The following RP1 variants were observed in gnomAD, a reference collection of about 807,000 sequenced individuals.
RP1 encodes the protein oxygen-regulated protein 1.
A neutral mutation model predicts 14.8 loss-of-function variants in RP1; 16 were observed. The ratio of observed to expected loss-of-function variants is 1.08; its 90% CI spans 0.73 to 1.65. The LOEUF is 1.65. Ranked by LOEUF, RP1 falls within the 40% of genes most tolerant of loss-of-function variation. The pLI is 0.00. For synonymous variants in RP1, 876 were observed against 883.6 expected (o/e 0.99, Z 0.15); for missense variants, 2,631 against 2,535.0 (o/e 1.04, Z -0.81).
chr8:54,734,916 C>T (rs962536901), intron 18 of RP1, among the ~76,000 whole-genome samples: 1 of 151,970 alleles, frequency 6.6e-6, no homozygotes, highest in African/African-American at 2.4e-5. Flanking sequence ...AATATTTTTG[C>T]TCACATATCT....
intron 26 of RP1, among the ~76,000 whole-genome samples, chr8:54,853,085 A>T (rs1469656642): frequency 6.6e-6 from 1 of 152,204 alleles, no homozygotes; most frequent in African/African-American, 2.4e-5. Context: ...CCTGGAGAGA[A>T]ATAAAGTGCA....
intron 1 of RP1, among the ~76,000 whole-genome samples, chr8:54,588,242 G>A (rs981870012): frequency 3.3e-5 from 5 of 152,160 alleles, no homozygotes; most frequent in Non-Finnish European, 7.4e-5. Context: ...ATGTTTCCAC[G>A]GTGGGCAATG....
chr8:54,782,224 G>A (rs1810206587), intron 23 of RP1, among the ~76,000 whole-genome samples: 1 of 152,142 alleles, frequency 6.6e-6, no homozygotes, highest in South Asian at 2.1e-4. Context: ...CTGCGGGGTA[G>A]AAGTAGCAGT....
chr8:54,593,765 T>C (rs73603031), intron 1 of RP1, among the ~76,000 whole-genome samples: 1 of 152,202 alleles, frequency 6.6e-6, no homozygotes, highest in South Asian at 2.1e-4. Context: ...GCCTCACCAG[T>C]GGAACTCATA....
chr8:54,779,587 G>GA (rs1810132124), intron 23 of RP1, among the ~76,000 whole-genome samples: 1 of 152,170 alleles, frequency 6.6e-6, no homozygotes, highest in African/African-American at 2.4e-5. Flanking sequence ...ATAAGGTAAA[G>GA]AAAAAAATGT....
At chr8:54,654,955 G>T (rs1459538677) in intron 5 of RP1, among the ~76,000 whole-genome samples, 1 of 152,116 alleles carries the variant, frequency 6.6e-6, no homozygotes, top group African/African-American at 2.4e-5. Context: ...GTGAAAATCT[G>T]CCTTTTTAAC....
chr8:54,825,179 T>C (rs1242102134), intron 24 of RP1, among the ~76,000 whole-genome samples: 2 of 152,108 alleles, frequency 1.3e-5, no homozygotes, highest in Admixed American at 1.3e-4. Context: ...CAGGGTGGTC[T>C]TGATCTCCCG....
At chr8:54,646,635 A>G (rs1806556337) in intron 3 of RP1, among the ~76,000 whole-genome samples, 1 of 152,196 alleles carries the variant, frequency 6.6e-6, no homozygotes, top group Non-Finnish European at 1.5e-5. Context: ...ACTCTGTTGC[A>G]GGGTTAAGGT....
chr8:54,646,286 C>T (rs928763854), intron 3 of RP1, among the ~76,000 whole-genome samples: 5 of 151,732 alleles, frequency 3.3e-5, no homozygotes, highest in African/African-American at 4.8e-5. Context: ...TCCCTACTCT[C>T]TCCTTCTCCT....
chr8:54,739,053 C>G, intron 19 of RP1: 1 of 1,484,426 alleles, frequency 6.7e-7, no homozygotes, highest in Non-Finnish European at 9.0e-7. Context: ...TTATTTTTTT[C>G]TTCATAGTTA....
chr8:54,842,817 A>T (rs1353018157), intron 25 of RP1, among the ~76,000 whole-genome samples: 1 of 152,080 alleles, frequency 6.6e-6, no homozygotes, highest in Non-Finnish European at 1.5e-5. Context: ...TCCAGCCTCT[A>T]TCTCCCTCGT....
chr8:54,620,347 C>T (rs1805824604), intron 1 of RP1, among the ~76,000 whole-genome samples: 1 of 152,178 alleles, frequency 6.6e-6, no homozygotes, highest in Admixed American at 6.5e-5. Context: ...TATTACAATG[C>T]CCTACGGTAT....
chr8:54,870,997 G>C (rs1812578079), exon 29 of RP1: 1 of 151,966 alleles, frequency 6.6e-6, no homozygotes, highest in Admixed American at 6.6e-5. Context: ...CAGGCAGAGG[G>C]GCCAAGGAGG....
At chr8:54,696,650 C>A in intron 12 of RP1, 1 of 824,700 alleles carries the variant, frequency 1.2e-6, no homozygotes, top group Non-Finnish European at 2.0e-6. Context: ...GCCAGATAAA[C>A]ATTCCTTGGC....
chr8:54,735,654 T>G (rs1399907253), intron 18 of RP1, among the ~76,000 whole-genome samples: 9 of 152,166 alleles, frequency 5.9e-5, no homozygotes, highest in South Asian at 2.1e-4. Flanking sequence ...TAAAGTTAAT[T>G]TTCGCTGAAG....
exon 9 of RP1, chr8:54,678,520 G>C: frequency 6.5e-7 from 1 of 1,533,652 alleles, no homozygotes; most frequent in South Asian, 1.2e-5. Flanking sequence ...TTACGAATAT[G>C]CCTTCTTCTG....
chr8:54,559,917 A>T (rs1804247344), intron 1 of RP1, among the ~76,000 whole-genome samples: 1 of 152,252 alleles, frequency 6.6e-6, no homozygotes, highest in African/African-American at 2.4e-5. Flanking sequence ...CTCAGTCCCC[A>T]ACTGGGAGAA....
chr8:54,719,105 T>C (rs1220091715), intron 15 of RP1, among the ~76,000 whole-genome samples: 1 of 152,188 alleles, frequency 6.6e-6, no homozygotes, highest in Non-Finnish European at 1.5e-5. Flanking sequence ...ACCTTCTGTA[T>C]TGTTCAGCAT....
intron 15 of RP1, among the ~76,000 whole-genome samples, chr8:54,719,372 G>T (rs1808483293): frequency 6.6e-6 from 1 of 152,198 alleles, no homozygotes; most frequent in South Asian, 2.1e-4. Context: ...AGACTCCCTT[G>T]GTTCTTACTG....
Sources: gnomAD v4.1 joint callset for allele counts (sites outside exome capture counted in the v4.1 genomes callset) on GRCh38, gnomAD v4.1.1 for gene constraint, MANE v1.5 for transcripts, NCBI Gene and HGNC (gene_info 2026-07-23, HGNC 2026-07-21) for gene names.